Variants in PDE8A observed in about 807,000 individuals in gnomAD.
The protein encoded by PDE8A is phosphodiesterase 8A, also known as high affinity cAMP-specific and IBMX-insensitive 3',5'-cyclic phosphodiesterase 8A.
A neutral mutation model predicts 105.0 loss-of-function variants in PDE8A; 59 were observed. The ratio of observed to expected loss-of-function variants is 0.56; its 90% CI spans 0.46 to 0.70. The LOEUF is 0.70. PDE8A is among the 30% of genes least tolerant of loss of function. The probability of loss-of-function intolerance (pLI) is 0.00; values close to 1 mark genes in which losing one functional copy is unlikely to be tolerated. For synonymous variants in PDE8A, 355 were observed against 371.9 expected (o/e 0.95, Z 0.52); for missense variants, 1,014 against 1,045.9 (o/e 0.97, Z 0.42).
intron 1 of PDE8A, among the ~76,000 whole-genome samples, chr15:85,035,138 A>T (rs1371434190): frequency 6.7e-6 from 1 of 149,568 alleles, no homozygotes; most frequent in Admixed American, 6.7e-5. Flanking sequence ...GCAACTCAAA[A>T]CCTGGTATTT....
intron 20 of PDE8A, among the ~76,000 whole-genome samples, chr15:85,135,198 C>CA (rs1469515308): frequency 4.6e-5 from 7 of 152,106 alleles, no homozygotes; most frequent in Non-Finnish European, 8.8e-5. Flanking sequence ...CTCTGCTGGC[C>CA]ATTTGGGAGC....
intron 1 of PDE8A, among the ~76,000 whole-genome samples, chr15:85,015,212 C>T (rs1282286381): frequency 6.6e-6 from 1 of 151,576 alleles, no homozygotes; most frequent in South Asian, 2.1e-4. Flanking sequence ...TGAGTTGTTT[C>T]CCTACATTAT....
chr15:84,992,862 T>C (rs1428923359), intron 1 of PDE8A, among the ~76,000 whole-genome samples: 1 of 152,194 alleles, frequency 6.6e-6, no homozygotes, highest in African/African-American at 2.4e-5. Flanking sequence ...TCATTTGATG[T>C]TCCCCAAACC....
chr15:84,985,198 A>G (rs760291909), intron 1 of PDE8A, among the ~76,000 whole-genome samples: 1 of 152,234 alleles, frequency 6.6e-6, no homozygotes, highest in Admixed American at 6.5e-5. Flanking sequence ...TTCAAAGTAC[A>G]AGAAATATAA....
At chr15:85,090,884 G>A in intron 7 of PDE8A, 160 bp from the exon 8 acceptor site, 2 of 688,502 alleles carry the variant, frequency 2.9e-6, no homozygotes, top group Non-Finnish European at 5.3e-6. Context: ...ATTCTTCGTG[G>A]GTTATGTGCT....
chr15:85,078,051 C>T (rs1333307150), intron 5 of PDE8A, among the ~76,000 whole-genome samples: 1 of 150,964 alleles, frequency 6.6e-6, no homozygotes, highest in African/African-American at 2.4e-5. Flanking sequence ...TGAAAATTTT[C>T]CAGAACTGAT....
At chr15:85,000,575 G>T (rs1159092901) in intron 1 of PDE8A, among the ~76,000 whole-genome samples, 1 of 152,204 alleles carries the variant, frequency 6.6e-6, no homozygotes, top group Non-Finnish European at 1.5e-5. Context: ...TCTGTTCAGG[G>T]TTATTATGAA....
intron 1 of PDE8A, among the ~76,000 whole-genome samples, chr15:85,028,028 AC>A (rs2080547291): frequency 6.6e-6 from 1 of 152,242 alleles, no homozygotes; most frequent in Non-Finnish European, 1.5e-5. Context: ...GCAACATTTA[AC>A]TGTGGTAAAC....
At chr15:85,070,050 GA>G (rs922881335) in intron 3 of PDE8A, among the ~76,000 whole-genome samples, 11 of 152,018 alleles carry the variant, frequency 7.2e-5, no homozygotes, top group African/African-American at 2.4e-4. Context: ...CCCCACCCCC[GA>G]ACCAGCTTGC....
Position 84,982,349 on chromosome 15 carries a change from GT to G in PDE8A, c.186+2del. On this transcript the variant is annotated splice_donor_variant, in intron 1 of 21. Coordinates refer to ENST00000394553, the MANE Select transcript of PDE8A (RefSeq NM_002605.3). LOFTEE classifies it high-confidence loss of function. ...GCTTCGCGACGGCAGCGGCAAGAAG[GT>G]AAGGGGCGCCGGGCACTCTGGGGCC... 1 of 1,324,674 alleles carries G rather than the reference GT, an allele frequency of 7.5e-7. No individual in the cohort carries two copies. Among genetic ancestry groups the G allele is most frequent in the South Asian group, 2.0e-5 (1 of 49,378 alleles). 82.1% of individuals were successfully genotyped at this position (1,324,674 alleles called of 1,614,324 possible).
intron 1 of PDE8A, among the ~76,000 whole-genome samples, chr15:85,047,241 A>G (rs1219496088): frequency 1.3e-5 from 2 of 152,224 alleles, no homozygotes; most frequent in Admixed American, 1.3e-4. Context: ...CAGTTTGATT[A>G]TGATTTCCAT....
chr15:85,009,611 G>A (rs748450370), intron 1 of PDE8A, among the ~76,000 whole-genome samples: 2 of 152,106 alleles, frequency 1.3e-5, no homozygotes, highest in African/African-American at 2.4e-5. Context: ...GATTTTCTCC[G>A]GACTGTGGTA....
intron 1 of PDE8A, among the ~76,000 whole-genome samples, chr15:85,051,004 C>T (rs1192133679): frequency 6.6e-6 from 1 of 152,146 alleles, no homozygotes. Flanking sequence ...TGTAGTTTCA[C>T]TTGTACAAAT....
At chr15:85,036,260 C>G (rs1442974247) in intron 1 of PDE8A, among the ~76,000 whole-genome samples, 1 of 152,144 alleles carries the variant, frequency 6.6e-6, no homozygotes, top group Non-Finnish European at 1.5e-5. Context: ...CCTCTTGGTA[C>G]TACTCTATTC....
At chr15:85,121,856 T>G (rs1182054466) in intron 18 of PDE8A, among the ~76,000 whole-genome samples, 2 of 152,224 alleles carry the variant, frequency 1.3e-5, no homozygotes, top group African/African-American at 4.8e-5. Flanking sequence ...CTGGACATTT[T>G]ATGTAAATGG....
chr15:85,019,004 T>G (rs988622646), intron 1 of PDE8A, among the ~76,000 whole-genome samples: 19 of 152,236 alleles, frequency 1.2e-4, no homozygotes, highest in Non-Finnish European at 2.6e-4. Context: ...TGTCCTTTTT[T>G]ATAGACTCTC....
intron 1 of PDE8A, among the ~76,000 whole-genome samples, chr15:85,023,468 G>A (rs933387467): frequency 3.3e-5 from 5 of 152,310 alleles, no homozygotes; most frequent in African/African-American, 1.2e-4. Flanking sequence ...GGACAAGAGG[G>A]TTGGACTTTG....
At chr15:85,012,972 CTA>C (rs998487930) in intron 1 of PDE8A, among the ~76,000 whole-genome samples, 20 of 152,282 alleles carry the variant, frequency 1.3e-4, no homozygotes, top group African/African-American at 4.8e-4. Flanking sequence ...ACTGTTAACT[CTA>C]ATAATCGTTT....
intron 1 of PDE8A, among the ~76,000 whole-genome samples, chr15:85,032,398 G>A (rs2080630364): frequency 1.3e-5 from 2 of 152,190 alleles, no homozygotes; most frequent in Non-Finnish European, 2.9e-5. Flanking sequence ...AGAAAATACA[G>A]TGTATTTATT....
Sources: allele counts gnomAD v4.1 joint callset (sites outside exome capture counted in the v4.1 genomes callset), GRCh38; gene constraint gnomAD v4.1.1; transcripts MANE v1.5; gene names NCBI Gene and HGNC (gene_info 2026-07-23, HGNC 2026-07-21).